EXOC6B: variants seen among roughly 807,000 people sequenced by gnomAD.
EXOC6B encodes the protein SEC15 homolog B.
In EXOC6B, 54 loss-of-function variants were observed where a neutral mutation model predicts 113.5. That is an observed-to-expected ratio of 0.48 (90% CI 0.38 to 0.60). The LOEUF is 0.60. EXOC6B is among the 20% of genes least tolerant of loss of function. The pLI, the probability that EXOC6B is intolerant of heterozygous loss-of-function variation, is 0.00. For synonymous variants in EXOC6B, 357 were observed against 339.0 expected (o/e 1.05, Z -0.58); for missense variants, 797 against 977.5 (o/e 0.82, Z 2.46).
At chr2:72,663,865 C>T (rs1251222660) in intron 6 of EXOC6B, among the ~76,000 whole-genome samples, 1 of 151,962 alleles carries the variant, frequency 6.6e-6, no homozygotes, top group Non-Finnish European at 1.5e-5. Flanking sequence ...AATAATAATG[C>T]ATCAATATTG....
chr2:72,336,459 G>A (rs1688692159), intron 19 of EXOC6B, among the ~76,000 whole-genome samples: 3 of 152,108 alleles, frequency 2.0e-5, no homozygotes, highest in African/African-American at 7.2e-5. Context: ...CAGGAATTAT[G>A]AGAACATTAT....
At chr2:72,654,884 C>T (rs182127373) in intron 6 of EXOC6B, among the ~76,000 whole-genome samples, 52 of 152,204 alleles carry the variant, frequency 3.4e-4, no homozygotes, top group Non-Finnish European at 5.9e-4. Context: ...AAATATTTTC[C>T]AATAAAGAGA....
At chr2:72,263,723 G>C (rs1225453097) in intron 20 of EXOC6B, among the ~76,000 whole-genome samples, 1 of 152,122 alleles carries the variant, frequency 6.6e-6, no homozygotes, top group Admixed American at 6.5e-5. Flanking sequence ...GTCTTATCCT[G>C]TTATGCTGGA....
intron 20 of EXOC6B, among the ~76,000 whole-genome samples, chr2:72,258,973 C>T (rs1265981417): frequency 6.6e-6 from 1 of 152,148 alleles, no homozygotes; most frequent in Non-Finnish European, 1.5e-5. Flanking sequence ...TTCTTTGACA[C>T]ATTTTGAAGT....
intron 20 of EXOC6B, among the ~76,000 whole-genome samples, chr2:72,199,448 C>T (rs1679361356): frequency 6.6e-6 from 1 of 152,176 alleles, no homozygotes. Flanking sequence ...CTTAATTTTT[C>T]TCTTTGTCTT....
At chr2:72,227,117 A>T (rs1681293657) in intron 20 of EXOC6B, among the ~76,000 whole-genome samples, 1 of 152,206 alleles carries the variant, frequency 6.6e-6, no homozygotes, top group Non-Finnish European at 1.5e-5. Context: ...TAGCACAATA[A>T]GATGTTAAAA....
chr2:72,662,915 G>C (rs773832000), intron 6 of EXOC6B, among the ~76,000 whole-genome samples: 5 of 151,842 alleles, frequency 3.3e-5, no homozygotes, highest in African/African-American at 4.8e-5. Flanking sequence ...GTAGAGATAG[G>C]GTTTCATGTT....
intron 1 of EXOC6B, among the ~76,000 whole-genome samples, chr2:72,813,057 T>C (rs1170779678): frequency 6.6e-6 from 1 of 152,192 alleles, no homozygotes; most frequent in Non-Finnish European, 1.5e-5. Context: ...CAACTGCATA[T>C]GAATTCTATA....
chr2:72,482,289 T>C (rs1699148160), intron 16 of EXOC6B, among the ~76,000 whole-genome samples: 1 of 152,208 alleles, frequency 6.6e-6, no homozygotes, highest in Non-Finnish European at 1.5e-5. Context: ...TATTAAACCA[T>C]AAAAATGTTC....
At chr2:72,202,415 G>C (rs370633388) in intron 20 of EXOC6B, among the ~76,000 whole-genome samples, 1 of 152,252 alleles carries the variant, frequency 6.6e-6, no homozygotes, top group Middle Eastern at 3.4e-3. Context: ...GCAGCCCCTG[G>C]CTTTCATCCA....
chr2:72,736,692 C>G (rs987446299), intron 2 of EXOC6B, among the ~76,000 whole-genome samples: 2 of 152,246 alleles, frequency 1.3e-5, no homozygotes, highest in African/African-American at 4.8e-5. Flanking sequence ...AATTCAGGAG[C>G]ATTATGAGCT....
intron 18 of EXOC6B, among the ~76,000 whole-genome samples, chr2:72,392,310 G>A (rs1251344475): frequency 6.6e-6 from 1 of 152,160 alleles, no homozygotes; most frequent in Admixed American, 6.5e-5. Context: ...CTACCTCCAT[G>A]CCTCTGGGTC....
intron 20 of EXOC6B, among the ~76,000 whole-genome samples, chr2:72,297,171 C>T (rs779457564): frequency 1.3e-5 from 2 of 152,080 alleles, no homozygotes; most frequent in Non-Finnish European, 2.9e-5. Flanking sequence ...TGGGATTTCA[C>T]ATTTTAAATT....
chr2:72,555,665 G>C (rs1478844811), intron 8 of EXOC6B, among the ~76,000 whole-genome samples: 1 of 152,116 alleles, frequency 6.6e-6, no homozygotes, highest in East Asian at 1.9e-4. Flanking sequence ...TCAAGGGACA[G>C]AGTGAGTCCC....
intron 1 of EXOC6B, among the ~76,000 whole-genome samples, chr2:72,780,050 T>A (rs1683933664): frequency 6.6e-6 from 1 of 152,214 alleles, no homozygotes; most frequent in Admixed American, 6.5e-5. Context: ...TTAAACTTTT[T>A]TGTTTAAGTT....
At chr2:72,659,030 T>C (rs1674814682) in intron 6 of EXOC6B, among the ~76,000 whole-genome samples, 2 of 152,162 alleles carry the variant, frequency 1.3e-5, no homozygotes, top group African/African-American at 4.8e-5. Context: ...TTCATTACCA[T>C]ATTACTGTTC....
Position 72,587,704 on chromosome 2 carries a change from G to A in EXOC6B, c.670-12036C>T, listed in dbSNP as rs180750233. On this transcript the variant is annotated intron_variant, in intron 6 of 21. Coordinates refer to ENST00000272427, the MANE Select transcript of EXOC6B (RefSeq NM_015189.3). ...ATAAATAAAATTATAATCATTGGGC[G>A]TCAAAGAGAATCATCAACAGAGTAA... is the stretch of plus-strand genomic sequence containing the variant. 8.7e-4 allele frequency among the ~76,000 whole-genome samples: 132 copies of A among 152,050 alleles called. 1 individual carries two copies. The highest frequency in any genetic ancestry group is 8.2e-3 in the Admixed American group (125 of 15,268).
At chr2:72,247,319 G>C (rs932597166) in intron 20 of EXOC6B, among the ~76,000 whole-genome samples, 5 of 152,184 alleles carry the variant, frequency 3.3e-5, no homozygotes, top group African/African-American at 9.7e-5. Context: ...CCAAGATACA[G>C]AATTATAACT....
At chr2:72,747,619 T>C (rs1221027323) in intron 1 of EXOC6B, among the ~76,000 whole-genome samples, 1 of 152,068 alleles carries the variant, frequency 6.6e-6, no homozygotes, top group Admixed American at 6.6e-5. Flanking sequence ...GAAAGTATCC[T>C]AAATGATGCA....
Sources: allele counts gnomAD v4.1 joint callset (sites outside exome capture counted in the v4.1 genomes callset), GRCh38; gene constraint gnomAD v4.1.1; transcripts MANE v1.5; gene names NCBI Gene and HGNC (gene_info 2026-07-23, HGNC 2026-07-21).